PTPRT: variants seen among roughly 807,000 people sequenced by gnomAD.
PTPRT encodes receptor-type tyrosine-protein phosphatase T.
Under a neutral mutation model 176.8 loss-of-function variants are expected in PTPRT, and 56 were observed. The ratio of observed to expected loss-of-function variants is 0.32; its 90% CI spans 0.26 to 0.40. The LOEUF is 0.40. PTPRT is among the 10% of genes least tolerant of loss of function. The pLI, the probability that PTPRT is intolerant of heterozygous loss-of-function variation, is 1.00. For synonymous variants in PTPRT, 783 were observed against 739.0 expected, an observed-to-expected ratio of 1.06 and a Z score of -0.96; for missense variants, 1,540 against 1,908.2, an observed-to-expected ratio of 0.81 and a Z score of 3.60.
intron 12 of PTPRT, among the ~76,000 whole-genome samples, chr20:42,287,423 T>G (rs2057248782): frequency 6.6e-6 from 1 of 152,000 alleles, no homozygotes; most frequent in South Asian, 2.1e-4. Flanking sequence ...TCCAGTCATT[T>G]GTGGCAACAT....
chr20:42,050,040 C>G, the PTPRT span, among the ~76,000 whole-genome samples: 1 of 152,224 alleles, frequency 6.6e-6, no homozygotes, highest in Non-Finnish European at 1.5e-5. Context: ...TTTCCCAGGG[C>G]TCTTCCACAA....
At chr20:43,088,317 T>A (rs2011685946) in intron 1 of PTPRT, among the ~76,000 whole-genome samples, 1 of 146,940 alleles carries the variant, frequency 6.8e-6, no homozygotes, top group Non-Finnish European at 1.5e-5. Flanking sequence ...TTGTGTTAGG[T>A]TTTGTTTTGC....
the PTPRT span, among the ~76,000 whole-genome samples, chr20:42,044,053 A>G: frequency 6.6e-6 from 1 of 152,218 alleles, no homozygotes; most frequent in Non-Finnish European, 1.5e-5. Flanking sequence ...CAGCACTGGG[A>G]CAGAGGAGTA....
At chr20:42,633,712 G>A (rs1217441870) in intron 7 of PTPRT, among the ~76,000 whole-genome samples, 1 of 136,396 alleles carries the variant, frequency 7.3e-6, no homozygotes, top group African/African-American at 2.8e-5. Context: ...CTTGTACCTG[G>A]GAGGTGGAGG....
chr20:42,376,607 G>A (rs549365426), intron 9 of PTPRT, among the ~76,000 whole-genome samples: 2 of 152,282 alleles, frequency 1.3e-5, no homozygotes, highest in East Asian at 3.9e-4. Flanking sequence ...CCTTCTGAAA[G>A]GGAAGATTCA....
chr20:42,410,480 T>C (rs2059003949), intron 9 of PTPRT, among the ~76,000 whole-genome samples: 1 of 152,156 alleles, frequency 6.6e-6, no homozygotes, highest in Non-Finnish European at 1.5e-5. Flanking sequence ...TCCACAACTA[T>C]ATTTGAAAAC....
intron 6 of PTPRT, chr20:42,686,224 A>C (rs558371559): frequency 6.6e-6 from 1 of 152,362 alleles, no homozygotes; most frequent in Non-Finnish European, 1.5e-5. Flanking sequence ...CAGCTGTGTC[A>C]ATACCGCCTG....
intron 8 of PTPRT, among the ~76,000 whole-genome samples, chr20:42,448,874 C>CAA (rs34886597): frequency 6.8e-6 from 1 of 147,736 alleles, no homozygotes; most frequent in Non-Finnish European, 1.5e-5. Flanking sequence ...AAAAAAATTA[C>CAA]AAAAAAAAAA....
At chr20:43,159,399 C>G (rs777024045) in intron 1 of PTPRT, among the ~76,000 whole-genome samples, 20 of 152,234 alleles carry the variant, frequency 1.3e-4, no homozygotes, top group Non-Finnish European at 2.9e-4. Context: ...TCATCATTGC[C>G]TATCTGGGGC....
At chr20:43,006,880 T>C (rs982909745) in intron 1 of PTPRT, among the ~76,000 whole-genome samples, 1 of 152,122 alleles carries the variant, frequency 6.6e-6, no homozygotes, top group Non-Finnish European at 1.5e-5. Context: ...AGGCAGGGTA[T>C]AGTGTGGCAA....
intron 16 of PTPRT, among the ~76,000 whole-genome samples, chr20:42,193,621 T>A (rs1050317343): frequency 2.6e-5 from 4 of 152,228 alleles, no homozygotes; most frequent in Non-Finnish European, 5.9e-5. Flanking sequence ...AGGAATAATA[T>A]CTAATGATAG....
At chr20:42,557,854 C>T (rs2072886585) in intron 7 of PTPRT, among the ~76,000 whole-genome samples, 4 of 152,194 alleles carry the variant, frequency 2.6e-5, no homozygotes, top group Admixed American at 2.6e-4. Context: ...GCTGGAACAG[C>T]CATTCCCCTG....
At chr20:42,198,536 A>C (rs1991323167) in intron 16 of PTPRT, among the ~76,000 whole-genome samples, 1 of 152,224 alleles carries the variant, frequency 6.6e-6, no homozygotes, top group Admixed American at 6.5e-5. Context: ...CTGTAAGAAC[A>C]GAAGCAAGTC....
chr20:42,165,377 T>C (rs1989782323), intron 16 of PTPRT, among the ~76,000 whole-genome samples: 1 of 152,140 alleles, frequency 6.6e-6, no homozygotes, highest in African/African-American at 2.4e-5. Context: ...GCCACAGCCC[T>C]TGAAGGAGGG....
intron 16 of PTPRT, among the ~76,000 whole-genome samples, chr20:42,180,269 G>C (rs545880462): frequency 2.0e-5 from 3 of 152,256 alleles, no homozygotes; most frequent in East Asian, 3.9e-4. Context: ...GCTGGAACAG[G>C]GTTCTAGCTT....
At chr20:42,797,116 G>C (rs148513339) in intron 2 of PTPRT, among the ~76,000 whole-genome samples, 1 of 152,270 alleles carries the variant, frequency 6.6e-6, no homozygotes, top group African/African-American at 2.4e-5. Flanking sequence ...GAAGAAAATA[G>C]TAAGAAATCC....
At chr20:42,431,374 T>C (rs1012710625) in intron 9 of PTPRT, among the ~76,000 whole-genome samples, 1 of 151,904 alleles carries the variant, frequency 6.6e-6, no homozygotes, top group Non-Finnish European at 1.5e-5. Flanking sequence ...ATATAAAAAA[T>C]AAAGGGATGG....
intron 12 of PTPRT, among the ~76,000 whole-genome samples, chr20:42,313,372 A>T (rs1464717501): frequency 6.6e-6 from 1 of 152,014 alleles, no homozygotes; most frequent in African/African-American, 2.4e-5. Flanking sequence ...CTTACCCTGA[A>T]TTCTTTCTCA....
chr20:42,329,920 AT>A (rs906536669), intron 11 of PTPRT, among the ~76,000 whole-genome samples: 4 of 150,740 alleles, frequency 2.7e-5, no homozygotes, highest in African/African-American at 7.5e-5. Flanking sequence ...CTTTGAAAAT[AT>A]TTTTTTAATT....
Sources: allele counts gnomAD v4.1 joint callset (sites outside exome capture counted in the v4.1 genomes callset), GRCh38; gene constraint gnomAD v4.1.1; transcripts MANE v1.5; gene names NCBI Gene and HGNC (gene_info 2026-07-23, HGNC 2026-07-21).